TRMT5: variants seen among roughly 807,000 people sequenced by gnomAD.
The protein encoded by TRMT5 is tRNA (guanine(37)-N(1))-methyltransferase.
TRMT5 carries 31 observed loss-of-function variants against 42.2 expected under a neutral mutation model. That is an observed-to-expected ratio of 0.73 (90% CI 0.55 to 0.99). The LOEUF (loss-of-function observed/expected upper bound fraction) is 0.99, where lower values mean the gene tolerates loss of function less well. Among genes scored for constraint, TRMT5 ranks in the 50% least tolerant of loss-of-function variants. The probability of loss-of-function intolerance (pLI) is 0.00; values close to 1 mark genes in which losing one functional copy is unlikely to be tolerated. For synonymous variants in TRMT5, 198 were observed against 209.6 expected, an observed-to-expected ratio of 0.94 and a Z score of 0.48; for missense variants, 568 against 595.0, an observed-to-expected ratio of 0.95 and a Z score of 0.47.
Position 60,979,620 on chromosome 14 carries a change from G to T in TRMT5, c.278C>A (p.Thr93Lys). Residue 93 changes from threonine to lysine, a missense_variant, in exon 2 of 5, where the codon ACA (threonine) becomes AAA (lysine). Thr to Lys is a moderately conservative substitution (Grantham distance 78). Coordinates refer to ENST00000261249, the MANE Select transcript of TRMT5 (RefSeq NM_020810.3). ...CACTTTAAGCACTGGAATGTTGACTGTCTTTTTAAAAGCTGTTCTATCAAG... is the reference window on the plus strand; with the variant it reads ...CACTTTAAGCACTGGAATGTTGACTTTCTTTTTAAAAGCTGTTCTATCAAG... ...TKLDRTAFKK[T>K]VNIPVLKVRK... 1 of 1,614,092 alleles carries T rather than the reference G, an allele frequency of 6.2e-7. No homozygotes were observed. The highest frequency in any genetic ancestry group is 8.5e-7 in the Non-Finnish European group (1 of 1,180,010).
At position 60,973,664 on chromosome 14, in the gene TRMT5, A is replaced by C. The variant is rs1413485462; in HGVS notation, c.*1445T>G. On this transcript the variant is annotated 3_prime_UTR_variant, in exon 5 of 5. Transcript: ENST00000261249. ...AAGACCCTGTCTCTAAGTAAAAATAAAAATAGAGTCAAAGAACCATCCAGA... is the reference window on the plus strand; with the variant it reads ...AAGACCCTGTCTCTAAGTAAAAATACAAATAGAGTCAAAGAACCATCCAGA... The C allele has an allele frequency of 1.3e-5, 2 of 152,334 alleles. No homozygotes were observed. The highest frequency in any genetic ancestry group is 2.9e-5 in the Non-Finnish European group (2 of 68,032). 9.4% of individuals were successfully genotyped at this position (152,334 alleles called of 1,614,324 possible).
At chr14:60,981,407 C>G (rs112283719), upstream of TRMT5, 3 of 1,564,598 alleles carry the variant, frequency 1.9e-6, no homozygotes, top group African/African-American at 1.4e-5. Flanking sequence ...TTCGCTTCCC[C>G]GCGCTGACGC....
rs774671183 is a variant in TRMT5 at position 60,972,483 on chromosome 14, G to C, written c.*2626C>G. The C allele has an allele frequency of 8.1e-5, 39 of 483,006 alleles. No homozygotes were observed. Among genetic ancestry groups the C allele is most frequent in the Admixed American group, 5.5e-4 (25 of 45,622 alleles). 29.9% of individuals were successfully genotyped at this position (483,006 alleles called of 1,614,324 possible). ...CTTGGGCATGGCGGCGGCGGCGGCGGCGGGATGTGGGCACCGGGTGTGGGA... is the reference window on the plus strand; with the variant it reads ...CTTGGGCATGGCGGCGGCGGCGGCGCCGGGATGTGGGCACCGGGTGTGGGA... On this transcript the variant is annotated 3_prime_UTR_variant, in exon 5 of 5. Coordinates refer to ENST00000261249, the MANE Select transcript of TRMT5 (RefSeq NM_020810.3).
chr14:60,981,429 C>A (rs116126956), upstream of TRMT5: 530 of 1,551,488 alleles, frequency 3.4e-4, 1 homozygote, highest in African/African-American at 6.7e-3. Flanking sequence ...CTCCGGCTTC[C>A]CTCAAGTGCC....
chr14:60,980,525 C>T (rs2036941175), intron 1 of TRMT5, among the ~76,000 whole-genome samples: 2 of 152,170 alleles, frequency 1.3e-5, no homozygotes, highest in African/African-American at 4.8e-5. Flanking sequence ...GCTTTACTGC[C>T]ACATGTCCTG....
chr14:60,972,981 G>C lies in TRMT5; in HGVS notation c.*2128C>G, dbSNP rs2036796662. 1 of 152,220 alleles carries C rather than the reference G, an allele frequency of 6.6e-6. No individual in the cohort carries two copies. 9.4% of individuals were successfully genotyped at this position (152,220 alleles called of 1,614,324 possible). A position where few individuals can be genotyped will look rare whatever the true frequency, so the allele number is the denominator to read the frequency against. ...ATTAGGTTGAATCACCTCAATTGCAGTTAAATAGATTTTGAAACAGGGAAA... is the reference window on the plus strand; with the variant it reads ...ATTAGGTTGAATCACCTCAATTGCACTTAAATAGATTTTGAAACAGGGAAA... On this transcript the variant is annotated 3_prime_UTR_variant, in exon 5 of 5. Coordinates refer to ENST00000261249, the MANE Select transcript of TRMT5 (RefSeq NM_020810.3).
rs2036804934 is a variant in TRMT5 at position 60,973,442 on chromosome 14, A to G, written c.*1667T>C. ...GGCGAGTGCCACATACTTTGAAACA[A>G]CAAGATCTCATAACTCATTATCTTA... On this transcript the variant is annotated 3_prime_UTR_variant, in exon 5 of 5. Transcript: ENST00000261249. 2 of 152,272 alleles carry G rather than the reference A, an allele frequency of 1.3e-5. No homozygotes were observed. Among genetic ancestry groups the G allele is most frequent in the South Asian group, 4.1e-4 (2 of 4,830 alleles). The allele number at this position is 152,272 out of a possible 1,614,324, so 9.4% of individuals were successfully genotyped here. A position where few individuals can be genotyped will look rare whatever the true frequency, so the allele number is the denominator to read the frequency against.
rs577515787 is a variant in TRMT5 at position 60,972,040 on chromosome 14, A to G, written c.*3069T>C. ...AGTCTCTCAAAACTAGAAGGGAAAG[A>G]TGTTTTCCCCGTATCAATCCAGCTT... On this transcript the variant is annotated 3_prime_UTR_variant, in exon 5 of 5. Coordinates refer to ENST00000261249, the MANE Select transcript of TRMT5 (RefSeq NM_020810.3). 130 of 251,398 alleles carry G rather than the reference A, an allele frequency of 5.2e-4. No homozygotes were observed. The highest frequency in any genetic ancestry group is 4.6e-3 in the East Asian group (38 of 8,246). The allele number at this position is 251,398 out of a possible 1,614,324, so 15.6% of individuals were successfully genotyped here.
At chr14:60,980,794 G>T (rs764463954) in intron 1 of TRMT5, 169 bp downstream of exon 1, 1 of 981,138 alleles carries the variant, frequency 1.0e-6, no homozygotes, top group Non-Finnish European at 1.5e-6. Context: ...GTGGCGAAAG[G>T]CTTTTGAAAC....
intron 1 of TRMT5, 79 bp from the exon 2 acceptor site, chr14:60,979,965 G>A: frequency 7.1e-7 from 1 of 1,409,294 alleles, no homozygotes; most frequent in East Asian, 2.4e-5. Context: ...CAAATAACGG[G>A]CTAAATGCTG....
In TRMT5 at chr14:60,972,030, G is replaced by C. The variant is rs1191505510; in HGVS notation, c.*3079C>G. The C allele has an allele frequency of 8.1e-6, 2 of 246,766 alleles. No individual in the cohort carries two copies. The highest frequency in any genetic ancestry group is 1.2e-4 in the East Asian group (1 of 8,096). 15.3% of individuals were successfully genotyped at this position (246,766 alleles called of 1,614,324 possible). On this transcript the variant is annotated 3_prime_UTR_variant, in exon 5 of 5. Coordinates refer to ENST00000261249, the MANE Select transcript of TRMT5 (RefSeq NM_020810.3). ...GCCAAGAGGAAGTCTCTCAAAACTA[G>C]AAGGGAAAGATGTTTTCCCCGTATC...
intron 2 of TRMT5, 79 bp from the exon 3 acceptor site, chr14:60,977,717 A>ATACAAC: frequency 7.2e-7 from 1 of 1,384,018 alleles, no homozygotes; most frequent in Non-Finnish European, 9.7e-7. Flanking sequence ...TGAAACAGAA[A>ATACAAC]TGAGTTGTAT....
chr14:60,974,766 C>T lies in TRMT5; in HGVS notation c.*343G>A, dbSNP rs191739226. 2.1e-4 allele frequency: 32 copies of T among 155,238 alleles called. No individual in the cohort carries two copies. In the East Asian group the frequency reaches 2.8e-3, roughly 14 times the overall value. The allele number at this position is 155,238 out of a possible 1,614,324, so 9.6% of individuals were successfully genotyped here. A position where few individuals can be genotyped will look rare whatever the true frequency, so the allele number is the denominator to read the frequency against. ...TTAATTGGCAGTAAAGGAGTAGTTA[C>T]GTAAAGGACAACTACAAAGTGGTGT... On this transcript the variant is annotated 3_prime_UTR_variant, in exon 5 of 5. Coordinates refer to ENST00000261249, the MANE Select transcript of TRMT5 (RefSeq NM_020810.3).
Position 60,977,530 on chromosome 14 carries a change from T to C in TRMT5, c.776A>G (p.Gln259Arg). 6.2e-7 allele frequency: 1 copy of C among 1,610,184 alleles called. No homozygotes were observed. Among genetic ancestry groups the C allele is most frequent in the Non-Finnish European group, 8.5e-7 (1 of 1,178,292 alleles). ...NFQMEVLSGEQNMMTKVRENN... is the reference protein window; with the variant it reads ...NFQMEVLSGERNMMTKVRENN... Reference sequence around the variant, plus strand: ...AAAATATACCTTTGTCATCATGTTCTGCTCTCCAGATAGCACTTCCATTTG... The same window carrying C: ...AAAATATACCTTTGTCATCATGTTCCGCTCTCCAGATAGCACTTCCATTTG... Residue 259 changes from glutamine to arginine, a missense_variant, in exon 3 of 5, where the codon CAG becomes CGG. Gln to Arg is a conservative substitution (Grantham distance 43, BLOSUM62 1). Transcript: ENST00000261249.
At position 60,977,540 on chromosome 14, in the gene TRMT5, A is replaced by G. The variant is rs2036863606; in HGVS notation, c.766T>C (p.Ser256Pro). ...TTTGTCATCATGTTCTGCTCTCCAG[A>G]TAGCACTTCCATTTGGAAATTTCGG... Reference protein sequence around the residue: ...MYRNFQMEVLSGEQNMMTKVR... With the variant: ...MYRNFQMEVLPGEQNMMTKVR... Residue 256 changes from serine (S) to proline (P), a missense_variant, in exon 3 of 5, where the codon TCT becomes CCT. Transcript: ENST00000261249. The G allele has an allele frequency of 6.2e-7, 1 of 1,611,236 alleles. No individual in the cohort carries two copies. The highest frequency in any genetic ancestry group is 1.3e-5 in the African/African-American group (1 of 74,830).
In TRMT5 at chr14:60,979,712, T is replaced by A. The variant is rs775166295; in HGVS notation, c.186A>T (p.Glu62Asp). Residue 62 changes from glutamate (E) to aspartate (D), a missense_variant, in exon 2 of 5, where the codon GAA (glutamate) becomes GAT (aspartate). Physicochemically the swap from Glu to Asp is conservative, Grantham distance 45. Coordinates refer to ENST00000261249, the MANE Select transcript of TRMT5 (RefSeq NM_020810.3). ...CAGTCTCTCTCTCATGTGTTTCTGT[T>A]TCTGGCATGGTTGAGAATCTTTTTC... ...GQRKRFSTMP[E>D]TETHERETEL... 3.1e-6 allele frequency: 5 copies of A among 1,614,156 alleles called. No homozygotes were observed. The South Asian group carries it at 5.5e-5, about 18-fold the overall frequency.
At position 60,975,661 on chromosome 14, in the gene TRMT5, T is replaced by A; in HGVS notation, c.1258A>T (p.Ser420Cys). ...GCAGGGTTAGCATCTTTGGAAAAGCTATAACAATGCACTATGGGAAGGAAC... is the reference window on the plus strand; with the variant it reads ...GCAGGGTTAGCATCTTTGGAAAAGCAATAACAATGCACTATGGGAAGGAAC... Reference protein sequence around the residue: ...SEFLPIVHCYSFSKDANPAED... With the variant: ...SEFLPIVHCYCFSKDANPAED... Residue 420 changes from serine (S) to cysteine (C), a missense_variant, in exon 4 of 5, where the codon AGC becomes TGC. Coordinates refer to ENST00000261249, the MANE Select transcript of TRMT5 (RefSeq NM_020810.3). The A allele has an allele frequency of 6.2e-7, 1 of 1,614,222 alleles. No homozygotes were observed. The highest frequency in any genetic ancestry group is 8.5e-7 in the Non-Finnish European group (1 of 1,180,036).
At chr14:60,980,858 G>T in intron 1 of TRMT5, 105 bp downstream of exon 1, 1 of 1,557,746 alleles carries the variant, frequency 6.4e-7, no homozygotes, top group Non-Finnish European at 8.8e-7. Flanking sequence ...GCGGGTGGGT[G>T]ACCTCGCGAT....
chr14:60,979,242 T>C lies in TRMT5; in HGVS notation c.656A>G (p.Lys219Arg), dbSNP rs138139551. The C allele has an allele frequency of 1.5e-4, 248 of 1,603,614 alleles. No homozygotes were observed. Among genetic ancestry groups the C allele is most frequent in the Admixed American group, 2.6e-4 (15 of 58,582 alleles). Residue 219 changes from lysine (K) to arginine (R), a missense_variant, in exon 2 of 5, where the codon AAA becomes AGA. Transcript: ENST00000261249. ...TATGACACACGTACCAATTAAATGTTTGAAAGGCAGCTGATGATCTCGAAG... is the reference window on the plus strand; with the variant it reads ...TATGACACACGTACCAATTAAATGTCTGAAAGGCAGCTGATGATCTCGAAG... ...LNLRDHQLPF[K>R]HLIGQVMIDK...
Sources: allele counts gnomAD v4.1 joint callset (sites outside exome capture counted in the v4.1 genomes callset), GRCh38; gene constraint gnomAD v4.1.1; transcripts MANE v1.5; gene names NCBI Gene and HGNC (gene_info 2026-07-23, HGNC 2026-07-21).